The following JAK2 variants were observed in gnomAD, a reference collection of about 807,000 sequenced individuals.
The protein encoded by JAK2 is tyrosine-protein kinase JAK2.
Under a neutral mutation model 139.3 loss-of-function variants are expected in JAK2, and 86 were observed. The ratio of observed to expected loss-of-function variants is 0.62; its 90% CI spans 0.52 to 0.74. The LOEUF is 0.74. JAK2 is among the 30% of genes least tolerant of loss of function. JAK2 has a pLI of 0.00. For synonymous variants in JAK2, 490 were observed against 437.7 expected, an observed-to-expected ratio of 1.12 and a Z score of -1.49; for missense variants, 1,421 against 1,360.3, an observed-to-expected ratio of 1.04 and a Z score of -0.70.
chr9:5,038,105 T>C (rs1216277105), intron 4 of JAK2, among the ~76,000 whole-genome samples: 1 of 152,194 alleles, frequency 6.6e-6, no homozygotes, highest in Non-Finnish European at 1.5e-5. Context: ...CATTAATGAT[T>C]TGTTCTTCTT....
chr9:4,995,628 C>A (rs920738651), intron 2 of JAK2, among the ~76,000 whole-genome samples: 7 of 152,078 alleles, frequency 4.6e-5, no homozygotes, highest in Non-Finnish European at 1.0e-4. Context: ...ATTGTGAGTT[C>A]TTGGGTAGTG....
intron 4 of JAK2, among the ~76,000 whole-genome samples, chr9:5,032,204 GGC>G (rs2130178204): frequency 1.3e-5 from 2 of 152,362 alleles, no homozygotes; most frequent in South Asian, 4.1e-4. Flanking sequence ...CTGGGGGAGG[GGC>G]GCCCGCCATT....
intron 2 of JAK2, among the ~76,000 whole-genome samples, chr9:4,987,040 G>A (rs751777600): frequency 2.6e-5 from 4 of 152,174 alleles, no homozygotes; most frequent in African/African-American, 7.2e-5. Context: ...ACCACTTTAA[G>A]TGTGAGAATT....
At chr9:5,021,307 C>T (rs759017419) in intron 2 of JAK2, among the ~76,000 whole-genome samples, 1 of 152,140 alleles carries the variant, frequency 6.6e-6, no homozygotes, top group African/African-American at 2.4e-5. Context: ...AGGTGAGTAC[C>T]AGATAACTCT....
chr9:4,986,733 C>G (rs1819968844), intron 2 of JAK2, among the ~76,000 whole-genome samples: 1 of 151,972 alleles, frequency 6.6e-6, no homozygotes, highest in Non-Finnish European at 1.5e-5. Flanking sequence ...AATCAGACAT[C>G]TTGAGGATGG....
Position 5,056,734 on chromosome 9 carries a change from A to C in JAK2, c.1056+946A>C, listed in dbSNP as rs529059559. On this transcript the variant is annotated intron_variant, in intron 8 of 24. Transcript: ENST00000381652. ...AGGATGATTAACAATTATCAACCTC[A>C]ATGTGGATATATAATAAATGTTTCT... 5.3e-5 allele frequency among the ~76,000 whole-genome samples: 8 copies of C among 152,306 alleles called. No homozygotes were observed. The East Asian group carries it at 1.5e-3, about 29-fold the overall frequency.
intron 19 of JAK2, 104 bp downstream of exon 19, chr9:5,081,965 G>A (rs1326706940): frequency 5.2e-6 from 5 of 954,640 alleles, no homozygotes; most frequent in Non-Finnish European, 7.9e-6. Flanking sequence ...AGGAGTGCTT[G>A]TAGAAAAAAA....
intron 3 of JAK2, among the ~76,000 whole-genome samples, chr9:5,028,633 T>G (rs544320797): frequency 1.3e-5 from 2 of 152,240 alleles, no homozygotes; most frequent in Non-Finnish European, 2.9e-5. Flanking sequence ...GAAAATCTAT[T>G]GTTTATCAGT....
intron 22 of JAK2, among the ~76,000 whole-genome samples, chr9:5,120,273 G>A (rs1023531470): frequency 6.6e-6 from 1 of 152,200 alleles, no homozygotes; most frequent in African/African-American, 2.4e-5. Context: ...TGAGGGAGAA[G>A]CCCTCATGGC....
chr9:5,066,644 T>C (rs759822677), intron 9 of JAK2, 34 bp from the exon 10 acceptor site: 1 of 1,114,540 alleles, frequency 9.0e-7, no homozygotes, highest in Non-Finnish European at 1.4e-6. Flanking sequence ...TGGTGCTTGA[T>C]ATATTATTCA....
At chr9:5,026,303 C>A (rs1822778833) in intron 3 of JAK2, among the ~76,000 whole-genome samples, 1 of 151,956 alleles carries the variant, frequency 6.6e-6, no homozygotes, top group African/African-American at 2.4e-5. Context: ...ATGTATTTTT[C>A]CTTTGACTTC....
intron 22 of JAK2, among the ~76,000 whole-genome samples, chr9:5,119,132 G>T (rs1161509499): frequency 6.6e-6 from 1 of 152,102 alleles, no homozygotes; most frequent in Admixed American, 6.5e-5. Context: ...AGGTTGAGTA[G>T]ATTTTGTGAA....
chr9:5,016,915 A>T (rs1249559671), intron 2 of JAK2, among the ~76,000 whole-genome samples: 1 of 152,258 alleles, frequency 6.6e-6, no homozygotes, highest in Non-Finnish European at 1.5e-5. Context: ...TTGACGGCAT[A>T]GTAGCTGAGA....
chr9:5,068,579 T>A (rs1302851544), intron 10 of JAK2, among the ~76,000 whole-genome samples: 1 of 152,190 alleles, frequency 6.6e-6, no homozygotes, highest in Non-Finnish European at 1.5e-5. Flanking sequence ...TATCAAGGCA[T>A]GAAGCAGCAT....
chr9:5,126,357 GACAA>G lies in JAK2; in HGVS notation c.3207_3210del (p.Gln1070AspfsTer3), dbSNP rs1564029542. The G allele has an allele frequency of 1.9e-6, 3 of 1,608,802 alleles. No homozygotes were observed. Among genetic ancestry groups the G allele is most frequent in the Non-Finnish European group, 1.7e-6 (2 of 1,177,102 alleles). Reference sequence around the variant, plus strand: ...GGAATTTATGCGTATGATTGGCAATGACAAACAAGGACAGATGATCGTGTTCCAT... The same window carrying G: ...GGAATTTATGCGTATGATTGGCAATGACAAGGACAGATGATCGTGTTCCAT... On this transcript the variant is annotated frameshift_variant, in exon 24 of 25. Coordinates refer to ENST00000381652, the MANE Select transcript of JAK2 (RefSeq NM_004972.4). LOFTEE classifies it high-confidence loss of function.
At chr9:5,077,213 T>C (rs35705423) in intron 14 of JAK2, among the ~76,000 whole-genome samples, 6 of 150,224 alleles carry the variant, frequency 4.0e-5, no homozygotes, top group African/African-American at 1.2e-4. Context: ...TTATATATTA[T>C]ACATTTATGT....
chr9:5,087,454 G>C (rs1820219031), intron 19 of JAK2, among the ~76,000 whole-genome samples: 1 of 99,334 alleles, frequency 1.0e-5, no homozygotes, highest in African/African-American at 5.1e-5. Flanking sequence ...ATTTGGGTGA[G>C]GACAATGCCA....
intron 22 of JAK2, among the ~76,000 whole-genome samples, chr9:5,120,090 G>C (rs1823498698): frequency 1.3e-5 from 2 of 152,328 alleles, no homozygotes; most frequent in African/African-American, 4.8e-5. Flanking sequence ...CATGAAAAAA[G>C]TGCTGGCAGG....
chr9:5,034,049 T>C (rs1334599525), intron 4 of JAK2, among the ~76,000 whole-genome samples: 1 of 152,004 alleles, frequency 6.6e-6, no homozygotes, highest in African/African-American at 2.4e-5. Context: ...GAGGAACATC[T>C]ACCAAGCAAA....
Sources: allele counts gnomAD v4.1 joint callset (sites outside exome capture counted in the v4.1 genomes callset), GRCh38; gene constraint gnomAD v4.1.1; transcripts MANE v1.5; gene names NCBI Gene and HGNC (gene_info 2026-07-23, HGNC 2026-07-21).